The following SLC24A3 variants were observed in gnomAD, a reference collection of about 807,000 sequenced individuals.
The protein encoded by SLC24A3 is sodium/potassium/calcium exchanger 3.
A neutral mutation model predicts 75.8 loss-of-function variants in SLC24A3; 28 were observed. The observed-to-expected ratio is 0.37, with a 90% confidence interval of 0.27 to 0.51. The LOEUF (loss-of-function observed/expected upper bound fraction) is 0.51. Ranked by LOEUF, SLC24A3 falls within the 20% of genes least tolerant of loss-of-function variation. The probability of loss-of-function intolerance (pLI) is 0.94; values close to 1 mark genes in which losing one functional copy is unlikely to be tolerated. For synonymous variants in SLC24A3, 372 were observed against 334.1 expected, an observed-to-expected ratio of 1.11 and a Z score of -1.24; for missense variants, 663 against 847.8, an observed-to-expected ratio of 0.78 and a Z score of 2.71.
intron 2 of SLC24A3, among the ~76,000 whole-genome samples, chr20:19,446,016 T>A (rs573950044): frequency 6.6e-6 from 1 of 152,344 alleles, no homozygotes; most frequent in African/African-American, 2.4e-5. Context: ...GTTACCTTTA[T>A]CTTCATTGTC....
intron 2 of SLC24A3, among the ~76,000 whole-genome samples, chr20:19,489,909 C>G (rs1988183879): frequency 6.6e-6 from 1 of 152,050 alleles, no homozygotes; most frequent in East Asian, 1.9e-4. Flanking sequence ...TGAATGTTGC[C>G]CCATTTTCTT....
intron 12 of SLC24A3, among the ~76,000 whole-genome samples, chr20:19,686,122 A>T (rs1360745719): frequency 6.6e-6 from 1 of 152,216 alleles, no homozygotes; most frequent in East Asian, 1.9e-4. Context: ...TATCTTACTT[A>T]GCTGTTCTGC....
At chr20:19,365,556 G>A (rs1171871413) in intron 2 of SLC24A3, among the ~76,000 whole-genome samples, 1 of 152,152 alleles carries the variant, frequency 6.6e-6, no homozygotes, top group African/African-American at 2.4e-5. Context: ...GGGGCACTAG[G>A]GGATTTTTTT....
chr20:19,318,795 T>C (rs1984641132), intron 2 of SLC24A3, among the ~76,000 whole-genome samples: 1 of 152,174 alleles, frequency 6.6e-6, no homozygotes, highest in Non-Finnish European at 1.5e-5. Flanking sequence ...GGGGCAGTCA[T>C]GTCCCCAGAA....
At chr20:19,520,422 T>C (rs2030077610) in intron 3 of SLC24A3, among the ~76,000 whole-genome samples, 1 of 152,190 alleles carries the variant, frequency 6.6e-6, no homozygotes, top group African/African-American at 2.4e-5. Context: ...GGGAGGTCCC[T>C]GGCCATCTGC....
chr20:19,638,842 T>C (rs11698224), intron 6 of SLC24A3, among the ~76,000 whole-genome samples: 2,696 of 152,232 alleles, frequency 0.018, 35 homozygotes, highest in South Asian at 0.054. Flanking sequence ...GAGTTGTTCG[T>C]TCCTCCCAGT....
chr20:19,434,013 A>G (rs926473410), intron 2 of SLC24A3, among the ~76,000 whole-genome samples: 27 of 152,160 alleles, frequency 1.8e-4, no homozygotes, highest in African/African-American at 6.3e-4. Flanking sequence ...GTTGCTCCCT[A>G]TCTCTAGGAG....
At chr20:19,595,755 G>A (rs901126938) in intron 6 of SLC24A3, among the ~76,000 whole-genome samples, 1 of 152,176 alleles carries the variant, frequency 6.6e-6, no homozygotes, top group African/African-American at 2.4e-5. Flanking sequence ...TCAGATAATA[G>A]AAGACAAAAG....
At chr20:19,581,906 A>T (rs1316005606) in intron 4 of SLC24A3, among the ~76,000 whole-genome samples, 1 of 152,210 alleles carries the variant, frequency 6.6e-6, no homozygotes, top group African/African-American at 2.4e-5. Flanking sequence ...GTGGGCACAG[A>T]AGAGCAACCA....
At chr20:19,278,877 C>G (rs1242686011) in intron 1 of SLC24A3, among the ~76,000 whole-genome samples, 1 of 152,216 alleles carries the variant, frequency 6.6e-6, no homozygotes, top group African/African-American at 2.4e-5. Flanking sequence ...TGAGGAAGAC[C>G]TCAGTTCATG....
At chr20:19,600,371 A>G (rs2031513362) in intron 6 of SLC24A3, among the ~76,000 whole-genome samples, 1 of 152,228 alleles carries the variant, frequency 6.6e-6, no homozygotes, top group African/African-American at 2.4e-5. Context: ...TGCCATCAAA[A>G]AAGTCAGCTC....
intron 6 of SLC24A3, among the ~76,000 whole-genome samples, chr20:19,631,627 C>T (rs997924289): frequency 2.0e-4 from 30 of 152,078 alleles, no homozygotes; most frequent in African/African-American, 6.8e-4. Context: ...CCCAGCATCA[C>T]GAGGGCATTG....
chr20:19,460,196 C>G (rs1161138034), intron 2 of SLC24A3, among the ~76,000 whole-genome samples: 1 of 152,130 alleles, frequency 6.6e-6, no homozygotes, highest in Non-Finnish European at 1.5e-5. Context: ...TGGGCGACTT[C>G]TTAAATTTTG....
chr20:19,464,077 G>A (rs1987723918), intron 2 of SLC24A3, among the ~76,000 whole-genome samples: 1 of 152,246 alleles, frequency 6.6e-6, no homozygotes, highest in South Asian at 2.1e-4. Flanking sequence ...ATTCACCAGT[G>A]AAAAGATCAG....
At chr20:19,315,823 G>A (rs964220108) in intron 2 of SLC24A3, among the ~76,000 whole-genome samples, 1 of 152,188 alleles carries the variant, frequency 6.6e-6, no homozygotes, top group Non-Finnish European at 1.5e-5. Flanking sequence ...ATGGGATTAT[G>A]TGCCAGTAAG....
At chr20:19,512,022 C>T (rs2029894044) in intron 2 of SLC24A3, among the ~76,000 whole-genome samples, 1 of 152,200 alleles carries the variant, frequency 6.6e-6, no homozygotes, top group Non-Finnish European at 1.5e-5. Flanking sequence ...TGAGGAGGCC[C>T]ACAGTGCTGG....
At chr20:19,400,075 A>G (rs1036813781) in intron 2 of SLC24A3, among the ~76,000 whole-genome samples, 2 of 152,130 alleles carry the variant, frequency 1.3e-5, no homozygotes, top group African/African-American at 4.8e-5. Flanking sequence ...CAACTTTTCT[A>G]ATGTCGTGGC....
chr20:19,356,346 T>C (rs911610116), intron 2 of SLC24A3, among the ~76,000 whole-genome samples: 3 of 152,222 alleles, frequency 2.0e-5, no homozygotes, highest in Non-Finnish European at 2.9e-5. Flanking sequence ...GATTCCTGTA[T>C]GTATCCTTAT....
intron 1 of SLC24A3, among the ~76,000 whole-genome samples, chr20:19,257,203 C>A (rs111743057): frequency 6.6e-6 from 1 of 152,176 alleles, no homozygotes; most frequent in African/African-American, 2.4e-5. Context: ...TCACATAAGG[C>A]GAGCCCAGGA....
Sources: allele counts gnomAD v4.1 joint callset (sites outside exome capture counted in the v4.1 genomes callset), GRCh38; gene constraint gnomAD v4.1.1; transcripts MANE v1.5; gene names NCBI Gene and HGNC (gene_info 2026-07-23, HGNC 2026-07-21).